The following ABCA4 variants were observed in gnomAD, a reference collection of about 807,000 sequenced individuals.
The protein encoded by ABCA4 is ATP binding cassette subfamily A member 4.
A neutral mutation model predicts 263.7 loss-of-function variants in ABCA4; 196 were observed. The ratio of observed to expected loss-of-function variants is 0.74; its 90% CI spans 0.66 to 0.84. The LOEUF is 0.84. ABCA4 is among the 40% of genes least tolerant of loss of function. The probability of loss-of-function intolerance (pLI) is 0.00; values close to 1 mark genes in which losing one functional copy is unlikely to be tolerated. For missense variants in ABCA4, 2,792 were observed against 2,855.1 expected, an observed-to-expected ratio of 0.98 and a Z score of 0.50; for synonymous variants, 1,133 against 1,094.2, an observed-to-expected ratio of 1.04 and a Z score of -0.70.
intron 5 of ABCA4, among the ~76,000 whole-genome samples, chr1:94,102,524 C>T (rs1378039473): frequency 6.6e-6 from 1 of 151,922 alleles, no homozygotes; most frequent in African/African-American, 2.4e-5. Flanking sequence ...CTCTAACCCT[C>T]GACTCTACCG....
rs1662006128 is a variant in ABCA4, at chr1:94,092,907, A to G, written c.768+5887T>C. On this transcript the variant is annotated intron_variant, in intron 6 of 49. Coordinates refer to ENST00000370225, the MANE Select transcript of ABCA4 (RefSeq NM_000350.3). ...TGCTTTTTGTTCAAAGTGTTTTTCCATCTCTTCTCTAATGTGAATTTCATT... is the reference window on the plus strand; with the variant it reads ...TGCTTTTTGTTCAAAGTGTTTTTCCGTCTCTTCTCTAATGTGAATTTCATT... Among the ~76,000 whole-genome samples, 3 of 152,220 alleles carry G rather than the reference A, an allele frequency of 2.0e-5. No homozygotes were observed. In the South Asian group the frequency reaches 6.2e-4, roughly 32 times the overall value.
intron 5 of ABCA4, among the ~76,000 whole-genome samples, chr1:94,102,101 G>T (rs1662300532): frequency 6.6e-6 from 1 of 152,180 alleles, no homozygotes; most frequent in Non-Finnish European, 1.5e-5. Flanking sequence ...AGACGCGCAA[G>T]CCTCCTTCTC....
chr1:94,093,768 G>A (rs1160813513), intron 6 of ABCA4, among the ~76,000 whole-genome samples: 1 of 152,222 alleles, frequency 6.6e-6, no homozygotes, highest in African/African-American at 2.4e-5. Flanking sequence ...GCACGAAGGG[G>A]CCTCTCTTCT....
intron 30 of ABCA4, chr1:94,025,420 A>G (rs748329168): frequency 5.3e-6 from 2 of 378,934 alleles, no homozygotes; most frequent in Admixed American, 3.9e-5. Context: ...CCCAGCAGCC[A>G]GCTTGAACTA....
At chr1:94,107,575 C>A (rs1174010051) in intron 4 of ABCA4, among the ~76,000 whole-genome samples, 1 of 152,192 alleles carries the variant, frequency 6.6e-6, no homozygotes, top group Non-Finnish European at 1.5e-5. Context: ...GGAGAGGGAG[C>A]CTCTTCATCC....
intron 6 of ABCA4, among the ~76,000 whole-genome samples, chr1:94,092,361 G>A (rs1661989818): frequency 6.6e-6 from 1 of 152,226 alleles, no homozygotes; most frequent in Non-Finnish European, 1.5e-5. Flanking sequence ...CATTTATCCG[G>A]GAGGGAAGTT....
chr1:94,102,908 T>A, intron 5 of ABCA4, 107 bp downstream of exon 5: 2 of 1,497,052 alleles, frequency 1.3e-6, no homozygotes, highest in South Asian at 1.1e-5. Flanking sequence ...GGATTCTGAA[T>A]GTGAACACAA....
intron 35 of ABCA4, among the ~76,000 whole-genome samples, chr1:94,020,800 G>T (rs1482253017): frequency 6.6e-6 from 1 of 152,220 alleles, no homozygotes; most frequent in African/African-American, 2.4e-5. Flanking sequence ...AACTGTGCAA[G>T]AAGAGCCTCA....
At chr1:94,036,691 T>TTTCGAGA in intron 26 of ABCA4, 49 bp downstream of exon 26, 1 of 1,594,842 alleles carries the variant, frequency 6.3e-7, no homozygotes, top group East Asian at 2.2e-5. Flanking sequence ...GAGATGGAAC[T>TTTCGAGA]TGGGAGGGAG....
chr1:93,999,731 T>C (rs1659124400), intron 47 of ABCA4, among the ~76,000 whole-genome samples: 1 of 152,168 alleles, frequency 6.6e-6, no homozygotes. Flanking sequence ...TGTTTACCTT[T>C]CAGCTCCAGA....
At chr1:93,996,323 A>T (rs1659002664) in intron 48 of ABCA4, 128 bp from the exon 49 acceptor site, 7 of 778,686 alleles carry the variant, frequency 9.0e-6, no homozygotes, top group South Asian at 9.0e-5. Context: ...CTTGTGTCCT[A>T]CCCGGGGGAG....
At chr1:94,047,136 A>G (rs560489716) in intron 18 of ABCA4, 43 bp from the exon 19 acceptor site, 1 of 1,605,550 alleles carries the variant, frequency 6.2e-7, no homozygotes, top group East Asian at 2.2e-5. Context: ...ATAATGCCTA[A>G]TTACATGGCC....
At chr1:94,112,844 C>T (rs1286329232) in intron 2 of ABCA4, 129 bp downstream of exon 2, 2 of 755,790 alleles carry the variant, frequency 2.6e-6, no homozygotes, top group Non-Finnish European at 4.8e-6. Flanking sequence ...AAATCTGTTA[C>T]ATGCATCATA....
At chr1:94,080,825 C>CATCCATAT (rs1413188826) in intron 7 of ABCA4, 107 bp from the exon 8 acceptor site, 14 of 1,497,504 alleles carry the variant, frequency 9.3e-6, no homozygotes, top group Non-Finnish European at 1.1e-5. Context: ...TAAAAGAAAA[C>CATCCATAT]ATCCATATAT....
intron 4 of ABCA4, among the ~76,000 whole-genome samples, chr1:94,103,539 G>C (rs1190739717): frequency 6.6e-6 from 1 of 152,154 alleles, no homozygotes; most frequent in Non-Finnish European, 1.5e-5. Flanking sequence ...CTGGTGGGTA[G>C]AGGCCAGAGA....
chr1:94,085,579 T>C (rs1163016043), intron 6 of ABCA4, among the ~76,000 whole-genome samples: 10 of 152,140 alleles, frequency 6.6e-5, no homozygotes, highest in East Asian at 5.8e-4. Flanking sequence ...TTCCAATGCA[T>C]TGTGGTCTGA....
chr1:94,054,809 T>C (rs1424294634), intron 16 of ABCA4, among the ~76,000 whole-genome samples: 1 of 152,108 alleles, frequency 6.6e-6, no homozygotes, highest in Non-Finnish European at 1.5e-5. Flanking sequence ...CACATGACCT[T>C]GATTCTGAAA....
intron 6 of ABCA4, among the ~76,000 whole-genome samples, chr1:94,093,023 G>C (rs1457508992): frequency 6.6e-6 from 1 of 152,176 alleles, no homozygotes; most frequent in African/African-American, 2.4e-5. Context: ...CAAGTTAGGA[G>C]CCAACATAGA....
intron 48 of ABCA4, among the ~76,000 whole-genome samples, 164 bp from the exon 49 acceptor site, chr1:93,996,359 C>T (rs1659003758): frequency 6.6e-6 from 1 of 152,224 alleles, no homozygotes; most frequent in African/African-American, 2.4e-5. Context: ...GAAGCCTGGC[C>T]ACCACTGCCC....
Sources: gnomAD v4.1 joint callset for allele counts (sites outside exome capture counted in the v4.1 genomes callset) on GRCh38, gnomAD v4.1.1 for gene constraint, MANE v1.5 for transcripts, NCBI Gene and HGNC (gene_info 2026-07-23, HGNC 2026-07-21) for gene names.